The following VPS13A variants were observed in gnomAD, a reference collection of about 807,000 sequenced individuals.
VPS13A encodes the protein vacuolar protein sorting 13 homolog A, also known as intermembrane lipid transfer protein VPS13A.
In VPS13A, 264 loss-of-function variants were observed where a neutral mutation model predicts 390.9. That is an observed-to-expected ratio of 0.68 (90% confidence interval 0.61 to 0.75). VPS13A has a LOEUF of 0.75. VPS13A is among the 30% of genes least tolerant of loss of function. The pLI is 0.00. For synonymous variants in VPS13A, 1,231 were observed against 1,227.1 expected, an observed-to-expected ratio of 1.00 and a Z score of -0.07; for missense variants, 3,409 against 3,733.9, an observed-to-expected ratio of 0.91 and a Z score of 2.27.
chr9:77,377,153 C>A (rs1378217411), intron 67 of VPS13A, among the ~76,000 whole-genome samples: 1 of 147,652 alleles, frequency 6.8e-6, no homozygotes, highest in African/African-American at 2.5e-5. Context: ...TTGTAATGTA[C>A]GAGTCTTATA....
chr9:77,190,786 C>T (rs1022970080), intron 1 of VPS13A, among the ~76,000 whole-genome samples: 9 of 152,138 alleles, frequency 5.9e-5, no homozygotes, highest in African/African-American at 2.2e-4. Context: ...CAGTTTCTTC[C>T]AGGTTCAATC....
chr9:77,267,393 A>G (rs1397852173), intron 23 of VPS13A, among the ~76,000 whole-genome samples: 1 of 151,878 alleles, frequency 6.6e-6, no homozygotes. Context: ...TCCTTTCTGT[A>G]TGTTAGTTTT....
chr9:77,336,280 C>A (rs749103524), intron 46 of VPS13A, among the ~76,000 whole-genome samples: 2 of 151,938 alleles, frequency 1.3e-5, no homozygotes, highest in Non-Finnish European at 2.9e-5. Flanking sequence ...TGCAGCAAAC[C>A]ACTATGGCAT....
At chr9:77,178,040 G>A (rs1328196058) in intron 1 of VPS13A, 4 of 485,338 alleles carry the variant, frequency 8.2e-6, no homozygotes, top group South Asian at 6.2e-5. Flanking sequence ...GGATGAAAAG[G>A]TCTATATTTT....
chr9:77,403,419 C>CAA, intron 69 of VPS13A, 98 bp downstream of exon 69: 1 of 984,722 alleles, frequency 1.0e-6, no homozygotes, highest in South Asian at 1.3e-5. Flanking sequence ...TCCATATAGT[C>CAA]ACACTGATTC....
At chr9:77,399,047 T>C (rs1834239600) in intron 68 of VPS13A, among the ~76,000 whole-genome samples, 1 of 139,314 alleles carries the variant, frequency 7.2e-6, no homozygotes, top group Non-Finnish European at 1.6e-5. Context: ...GGGATAGCAT[T>C]GGGAGATATA....
intron 23 of VPS13A, among the ~76,000 whole-genome samples, chr9:77,261,665 A>G (rs974024686): frequency 1.3e-5 from 2 of 151,818 alleles, no homozygotes; most frequent in Non-Finnish European, 2.9e-5. Context: ...GCTCACTGCA[A>G]CCTCCGTCTC....
chr9:77,337,147 C>G (rs759649282), intron 46 of VPS13A, 108 bp from the exon 47 acceptor site: 43 of 1,115,084 alleles, frequency 3.9e-5, no homozygotes, highest in Non-Finnish European at 5.3e-5. Context: ...TAAAAATGTA[C>G]TACAATATTA....
chr9:77,201,537 C>T (rs367761703), intron 3 of VPS13A, 130 bp downstream of exon 3: 40 of 867,204 alleles, frequency 4.6e-5, no homozygotes, highest in South Asian at 3.4e-4. Flanking sequence ...GTGTTTTTGT[C>T]TCAGTAGAGC....
chr9:77,321,634 A>G lies in VPS13A; in HGVS notation c.5718A>G (p.Ser1906=), dbSNP rs756207137. 6.2e-6 allele frequency: 10 copies of G among 1,613,390 alleles called. No homozygotes were observed. Among genetic ancestry groups the G allele is most frequent in the East Asian group, 2.2e-5 (1 of 44,810 alleles). The part of the protein sequence containing the change: ...FSVLNIPMAK[S]YVLKNGESLS... ...TACTCAACATTCCTATGGCAAAATCATATGTATTGAAAAATGGAGAAAGTT... is the reference window on the plus strand; with the variant it reads ...TACTCAACATTCCTATGGCAAAATCGTATGTATTGAAAAATGGAGAAAGTT... The change falls in exon 44 of 72, where the codon TCA becomes TCG. Residue 1906 remains serine (S), a synonymous_variant. Transcript: ENST00000360280.
chr9:77,228,649 G>C (rs1823655470), intron 17 of VPS13A, among the ~76,000 whole-genome samples: 1 of 151,982 alleles, frequency 6.6e-6, no homozygotes, highest in Admixed American at 6.5e-5. Context: ...ATATTATATA[G>C]TAATTTCACA....
rs755256495 is a variant in VPS13A, at chr9:77,344,278, C to T, written c.7152C>T (p.Asn2384=). 34 of 1,612,684 alleles carry T rather than the reference C, an allele frequency of 2.1e-5. No homozygotes were observed. Among genetic ancestry groups the T allele is most frequent in the Non-Finnish European group, 2.5e-5 (30 of 1,179,450 alleles). The change falls in exon 51 of 72, where the codon AAC becomes AAT. Residue 2384 remains asparagine (N), a synonymous_variant. Transcript: ENST00000360280. ...QENCILLRLD[N]ELGGIIAEVN... ...ATTGTATTCTATTGCGTCTAGATAA[C>T]GAGGTAAGTTTTTTTTTCTTTTTTG...
At chr9:77,338,260 G>A (rs1194991185) in intron 47 of VPS13A, 2 of 152,210 alleles carry the variant, frequency 1.3e-5, no homozygotes, top group Non-Finnish European at 2.9e-5. Flanking sequence ...GCATGAGCCA[G>A]TACACCCAGC....
chr9:77,406,631 G>T (rs1587729378), intron 70 of VPS13A, among the ~76,000 whole-genome samples: 1 of 151,626 alleles, frequency 6.6e-6, no homozygotes, highest in East Asian at 1.9e-4. Flanking sequence ...TGGCCAGTCT[G>T]GTCTTGAATT....
Position 77,210,668 on chromosome 9 carries a change from G to C in VPS13A, c.548G>C (p.Ser183Thr). 1 of 1,613,708 alleles carries C rather than the reference G, an allele frequency of 6.2e-7. No individual in the cohort carries two copies. Among genetic ancestry groups the C allele is most frequent in the Non-Finnish European group, 8.5e-7 (1 of 1,179,880 alleles). Residue 183 changes from serine to threonine, a missense_variant, in exon 7 of 72, where the codon AGC becomes ACC. Coordinates refer to ENST00000360280, the MANE Select transcript of VPS13A (RefSeq NM_033305.3). ...TTTGGTATTTCCCTTCAAAATCTGAGCATGCAGGTATTTTGTTTATAAAAG... is the reference window on the plus strand; with the variant it reads ...TTTGGTATTTCCCTTCAAAATCTGACCATGCAGGTATTTTGTTTATAAAAG... ...LSFGISLQNL[S>T]MQTTDQYWVP...
At chr9:77,274,681 T>C (rs919039394) in intron 24 of VPS13A, among the ~76,000 whole-genome samples, 10 of 152,100 alleles carry the variant, frequency 6.6e-5, no homozygotes, top group African/African-American at 2.4e-4. Context: ...TGCTTTTTAA[T>C]GACCGTATTA....
intron 68 of VPS13A, among the ~76,000 whole-genome samples, chr9:77,383,553 T>TG (rs1833546263): frequency 6.6e-6 from 1 of 152,048 alleles, no homozygotes; most frequent in Non-Finnish European, 1.5e-5. Flanking sequence ...GGATGAGTGT[T>TG]GAGGAGAGTT....
chr9:77,357,315 T>TA (rs1831855222), intron 55 of VPS13A, among the ~76,000 whole-genome samples: 1 of 42,030 alleles, frequency 2.4e-5, no homozygotes, highest in African/African-American at 1.2e-4. Flanking sequence ...AGACTCTGTC[T>TA]CAAAAAAAAA....
chr9:77,392,673 T>G (rs1833945204), intron 68 of VPS13A, among the ~76,000 whole-genome samples: 1 of 151,880 alleles, frequency 6.6e-6, no homozygotes, highest in Non-Finnish European at 1.5e-5. Context: ...AAAATTATGT[T>G]TATAATGTAG....
Sources: gnomAD v4.1 joint callset for allele counts (sites outside exome capture counted in the v4.1 genomes callset) on GRCh38, gnomAD v4.1.1 for gene constraint, MANE v1.5 for transcripts, NCBI Gene and HGNC (gene_info 2026-07-23, HGNC 2026-07-21) for gene names.